Variants in PRKG1 observed in about 807,000 individuals in gnomAD.
PRKG1 encodes the protein cGMP-dependent protein kinase 1.
A neutral mutation model predicts 88.1 loss-of-function variants in PRKG1; 35 were observed. The observed-to-expected ratio is 0.40, with a 90% CI of 0.30 to 0.53. The LOEUF (loss-of-function observed/expected upper bound fraction) is 0.53. Among genes scored for constraint, PRKG1 ranks in the 20% least tolerant of loss-of-function variants. The pLI is 0.59. For missense variants in PRKG1, 540 were observed against 839.8 expected, an observed-to-expected ratio of 0.64 and a Z score of 4.41; for synonymous variants, 303 against 292.5, an observed-to-expected ratio of 1.04 and a Z score of -0.37.
At chr10:51,625,664 A>C (rs1374136499) in intron 3 of PRKG1, among the ~76,000 whole-genome samples, 2 of 152,106 alleles carry the variant, frequency 1.3e-5, no homozygotes, top group African/African-American at 4.8e-5. Flanking sequence ...TTAATAGTGC[A>C]TTTAAAATGG....
chr10:51,114,793 A>G (rs1022686363), intron 1 of PRKG1, among the ~76,000 whole-genome samples: 7 of 152,156 alleles, frequency 4.6e-5, no homozygotes, highest in African/African-American at 1.7e-4. Context: ...ATGCTAAAAC[A>G]TTGTATAGGT....
intron 7 of PRKG1, among the ~76,000 whole-genome samples, chr10:52,089,909 C>T (rs746146965): frequency 3.0e-4 from 45 of 148,750 alleles, no homozygotes; most frequent in Non-Finnish European, 5.0e-4. Context: ...CTGCCTGCCA[C>T]GTTCAAGTGA....
chr10:51,017,729 T>G (rs1179128331), intron 1 of PRKG1, among the ~76,000 whole-genome samples: 1 of 152,116 alleles, frequency 6.6e-6, no homozygotes, highest in Non-Finnish European at 1.5e-5. Context: ...TCATCATTTT[T>G]ATATCTTCAG....
chr10:51,387,249 G>A (rs1316886926), intron 2 of PRKG1, among the ~76,000 whole-genome samples: 4 of 150,812 alleles, frequency 2.7e-5, no homozygotes, highest in Admixed American at 6.6e-5. Context: ...TGGTCAAGGG[G>A]GTCTGCACTT....
At chr10:52,135,128 A>C (rs1329568979) in intron 8 of PRKG1, among the ~76,000 whole-genome samples, 2 of 152,136 alleles carry the variant, frequency 1.3e-5, no homozygotes, top group African/African-American at 4.8e-5. Context: ...ATGAGTTCAG[A>C]ATAAAATTTT....
chr10:51,094,452 A>T (rs1844479994), intron 1 of PRKG1, among the ~76,000 whole-genome samples: 1 of 152,112 alleles, frequency 6.6e-6, no homozygotes, highest in Non-Finnish European at 1.5e-5. Flanking sequence ...AATTCTAAAA[A>T]TTAAAATACA....
chr10:51,261,881 A>ATTTTTTTTTTTTT (rs375382268), intron 2 of PRKG1, among the ~76,000 whole-genome samples: 8 of 120,612 alleles, frequency 6.6e-5, no homozygotes, highest in African/African-American at 2.8e-4. Context: ...GGATTTTCTA[A>ATTTTTTTTTTTTT]TTTTTTTTTT....
At chr10:51,244,248 G>A (rs1489424277) in intron 2 of PRKG1, among the ~76,000 whole-genome samples, 1 of 151,112 alleles carries the variant, frequency 6.6e-6, no homozygotes, top group Non-Finnish European at 1.5e-5. Flanking sequence ...TATTTATGTG[G>A]CAAATTGAAA....
chr10:52,181,448 T>C, intron 9 of PRKG1, among the ~76,000 whole-genome samples: 1 of 143,684 alleles, frequency 7.0e-6, no homozygotes, highest in Admixed American at 6.9e-5. Flanking sequence ...TTTTTTTAAT[T>C]ATACTTTAAG....
intron 3 of PRKG1, among the ~76,000 whole-genome samples, chr10:51,469,028 CTCT>C (rs1839979802): frequency 6.6e-6 from 1 of 151,748 alleles, no homozygotes. Flanking sequence ...AAGCATAGGA[CTCT>C]TTTGATTGAT....
chr10:51,709,344 A>T (rs1841686320), intron 3 of PRKG1, among the ~76,000 whole-genome samples: 1 of 152,198 alleles, frequency 6.6e-6, no homozygotes, highest in Admixed American at 6.5e-5. Flanking sequence ...CAGTTTAATG[A>T]CAAAATCATA....
At chr10:51,801,318 T>C (rs1839168157) in intron 3 of PRKG1, among the ~76,000 whole-genome samples, 1 of 152,132 alleles carries the variant, frequency 6.6e-6, no homozygotes, top group South Asian at 2.1e-4. Flanking sequence ...CAGAAAATTG[T>C]TTCATACAAT....
At chr10:51,050,452 A>G (rs1430839689) in intron 1 of PRKG1, among the ~76,000 whole-genome samples, 1 of 152,102 alleles carries the variant, frequency 6.6e-6, no homozygotes, top group East Asian at 1.9e-4. Flanking sequence ...CACTTAGCAT[A>G]GTGTTCTCCA....
chr10:51,694,475 C>G (rs1418622783), intron 3 of PRKG1, among the ~76,000 whole-genome samples: 1 of 152,176 alleles, frequency 6.6e-6, no homozygotes, highest in Non-Finnish European at 1.5e-5. Context: ...TGGCTTATAT[C>G]TTATCAAATA....
intron 2 of PRKG1, among the ~76,000 whole-genome samples, chr10:51,336,700 T>G (rs183693889): frequency 1.0e-3 from 159 of 152,260 alleles, no homozygotes; most frequent in Admixed American, 3.2e-3. Flanking sequence ...AGTAGTCACT[T>G]GAGGACAGGA....
At position 52,134,008 on chromosome 10, in the gene PRKG1, A is replaced by G. The variant is rs563241319; in HGVS notation, c.1001+103A>G. On this transcript the variant is annotated intron_variant, in intron 8 of 17. Coordinates refer to ENST00000373980, the MANE Select transcript of PRKG1 (RefSeq NM_006258.4). Reference sequence around the variant, plus strand: ...TTATGGAGCTATTAATACTTGTTTTATATCTTTTCATTTTTAAATGAATTC... The same window carrying G: ...TTATGGAGCTATTAATACTTGTTTTGTATCTTTTCATTTTTAAATGAATTC... 3 of 844,594 alleles carry G rather than the reference A, an allele frequency of 3.6e-6. No individual in the cohort carries two copies. The African/African-American group carries it at 5.3e-5, about 15-fold the overall frequency. 52.3% of individuals were successfully genotyped at this position (844,594 alleles called of 1,614,324 possible).
chr10:51,156,331 G>A (rs955343678), intron 2 of PRKG1, among the ~76,000 whole-genome samples: 3 of 57,768 alleles, frequency 5.2e-5, no homozygotes, highest in Non-Finnish European at 1.2e-4. Context: ...ACACCCGAAT[G>A]TAACAAAATA....
At chr10:52,254,146 C>T (rs1841252320) in intron 10 of PRKG1, among the ~76,000 whole-genome samples, 2 of 151,962 alleles carry the variant, frequency 1.3e-5, no homozygotes, top group African/African-American at 4.8e-5. Context: ...CATAATTGTA[C>T]ATAACATTGT....
intron 9 of PRKG1, among the ~76,000 whole-genome samples, chr10:52,247,001 C>T (rs1841041900): frequency 6.7e-6 from 1 of 149,858 alleles, no homozygotes; most frequent in Admixed American, 6.7e-5. Flanking sequence ...TGATGTATTA[C>T]TTCTGCCTTC....
Sources: gnomAD v4.1 joint callset for allele counts (sites outside exome capture counted in the v4.1 genomes callset) on GRCh38, gnomAD v4.1.1 for gene constraint, MANE v1.5 for transcripts, NCBI Gene and HGNC (gene_info 2026-07-23, HGNC 2026-07-21) for gene names.